Variants in DLG2 observed in about 807,000 individuals in gnomAD.
DLG2 encodes the protein disks large homolog 2.
In DLG2, 45 loss-of-function variants were observed where a neutral mutation model predicts 132.5. The observed-to-expected ratio is 0.34, with a 90% CI of 0.27 to 0.44. DLG2 has a LOEUF of 0.44. Among genes scored for constraint, DLG2 ranks in the 20% least tolerant of loss-of-function variants. DLG2 has a pLI of 1.00. For synonymous variants in DLG2, 424 were observed against 419.6 expected (o/e 1.01, Z -0.13); for missense variants, 1,045 against 1,196.9 (o/e 0.87, Z 1.87).
At chr11:84,661,837 A>T (rs934771862) in intron 6 of DLG2, among the ~76,000 whole-genome samples, 8 of 152,256 alleles carry the variant, frequency 5.3e-5, no homozygotes, top group South Asian at 2.1e-4. Flanking sequence ...GTTCAATATA[A>T]ATGTTTATAT....
intron 15 of DLG2, among the ~76,000 whole-genome samples, chr11:83,922,054 G>A (rs867208650): frequency 6.0e-4 from 92 of 152,202 alleles, no homozygotes; most frequent in African/African-American, 2.1e-3. Flanking sequence ...TTAAAACAGG[G>A]TGAGTTCCTT....
chr11:83,769,067 T>A (rs2094269424), intron 18 of DLG2, among the ~76,000 whole-genome samples: 1 of 152,256 alleles, frequency 6.6e-6, no homozygotes, highest in Non-Finnish European at 1.5e-5. Flanking sequence ...CACTCCATAA[T>A]GATAACAAGT....
At chr11:85,179,346 CAG>C (rs2079538510) in intron 4 of DLG2, among the ~76,000 whole-genome samples, 1 of 151,596 alleles carries the variant, frequency 6.6e-6, no homozygotes, top group African/African-American at 2.4e-5. Context: ...AAAATAAACT[CAG>C]AGGAATATCT....
intron 4 of DLG2, among the ~76,000 whole-genome samples, chr11:85,253,218 A>T (rs2076485962): frequency 6.6e-6 from 1 of 152,240 alleles, no homozygotes; most frequent in Non-Finnish European, 1.5e-5. Context: ...TAAAAATTAA[A>T]TGGACAGGTT....
intron 6 of DLG2, among the ~76,000 whole-genome samples, chr11:84,540,186 C>T (rs527347451): frequency 1.4e-4 from 21 of 152,158 alleles, no homozygotes; most frequent in African/African-American, 4.8e-4. Context: ...CCAAAATTGA[C>T]AAATGGGATC....
At chr11:85,581,454 C>CAA (rs1170598723) in intron 3 of DLG2, among the ~76,000 whole-genome samples, 1 of 137,910 alleles carries the variant, frequency 7.3e-6, no homozygotes. Flanking sequence ...TACTAAAATA[C>CAA]AAAAAAAAAA....
intron 20 of DLG2, among the ~76,000 whole-genome samples, chr11:83,539,068 A>G (rs1210682988): frequency 6.6e-6 from 1 of 152,214 alleles, no homozygotes; most frequent in Non-Finnish European, 1.5e-5. Flanking sequence ...TAAAATAAGG[A>G]TAATAACAGC....
intron 3 of DLG2, among the ~76,000 whole-genome samples, chr11:85,377,801 ATATGTG>A (rs2085530607): frequency 1.0e-5 from 1 of 95,826 alleles, no homozygotes; most frequent in African/African-American, 3.6e-5. Flanking sequence ...ATATATATAT[ATATGTG>A]TGTGTGTGTG....
intron 6 of DLG2, among the ~76,000 whole-genome samples, chr11:84,610,961 C>T (rs749654162): frequency 3.3e-5 from 5 of 151,454 alleles, no homozygotes; most frequent in African/African-American, 7.3e-5. Context: ...ATGCCTCTTA[C>T]TCTAGAAAGT....
chr11:85,382,227 C>T (rs1171082432), intron 3 of DLG2, among the ~76,000 whole-genome samples: 1 of 152,056 alleles, frequency 6.6e-6, no homozygotes, highest in Non-Finnish European at 1.5e-5. Flanking sequence ...CATTTATGGT[C>T]AGCTGATTTT....
chr11:84,688,830 C>T (rs2057676379), intron 6 of DLG2, among the ~76,000 whole-genome samples: 1 of 152,150 alleles, frequency 6.6e-6, no homozygotes, highest in African/African-American at 2.4e-5. Context: ...CTAGGAGTCT[C>T]TCTCACCTCT....
chr11:85,154,569 TC>T lies in DLG2; in HGVS notation c.268del (p.Asp90MetfsTer48). ...TATAACACTTACAGTTGTCGTCTCA[TC>T]AGTTTCATTTTCAAAACTCTGATTT... ...KENQSFENET[D>X]ETTTQNQGRC... On this transcript the variant is annotated frameshift_variant, in exon 5 of 28. Transcript: ENST00000376104. LOFTEE classifies it high-confidence loss of function. 3 of 1,497,560 alleles carry T rather than the reference TC, an allele frequency of 2.0e-6. No homozygotes were observed. The highest frequency in any genetic ancestry group is 2.7e-6 in the Non-Finnish European group (3 of 1,099,404). 92.8% of individuals were successfully genotyped at this position (1,497,560 alleles called of 1,614,324 possible).
At chr11:85,628,323 G>A (rs546516600), upstream of DLG2, among the ~76,000 whole-genome samples, 1 of 149,844 alleles carries the variant, frequency 6.7e-6, no homozygotes, top group Admixed American at 6.6e-5. Flanking sequence ...CTTTCCCGCA[G>A]GACGCGAAGA....
intron 3 of DLG2, among the ~76,000 whole-genome samples, chr11:85,543,565 G>T (rs1238878759): frequency 6.6e-6 from 1 of 152,146 alleles, no homozygotes; most frequent in East Asian, 1.9e-4. Flanking sequence ...TTGCCACACT[G>T]TCTTCCACAA....
intron 10 of DLG2, among the ~76,000 whole-genome samples, chr11:84,091,162 C>A (rs529944715): frequency 2.0e-5 from 3 of 152,262 alleles, no homozygotes; most frequent in Admixed American, 2.0e-4. Context: ...AATATCACGG[C>A]CATAAACACA....
At chr11:84,653,804 C>T (rs1183676283) in intron 6 of DLG2, among the ~76,000 whole-genome samples, 2 of 152,150 alleles carry the variant, frequency 1.3e-5, no homozygotes, top group Non-Finnish European at 2.9e-5. Context: ...TTGGCTCTTT[C>T]ATGCAATAAC....
chr11:83,680,433 C>T (rs1050280860), intron 18 of DLG2, among the ~76,000 whole-genome samples: 1 of 152,148 alleles, frequency 6.6e-6, no homozygotes, highest in African/African-American at 2.4e-5. Context: ...ATGTCATAGG[C>T]TGGCTGGAGC....
At chr11:83,986,404 G>A (rs2093316438) in intron 11 of DLG2, among the ~76,000 whole-genome samples, 3 of 151,438 alleles carry the variant, frequency 2.0e-5, no homozygotes, top group African/African-American at 7.3e-5. Flanking sequence ...ATTTTTTATG[G>A]CTGCATAGTA....
chr11:84,439,197 T>C (rs979385261), intron 7 of DLG2, among the ~76,000 whole-genome samples: 1 of 152,224 alleles, frequency 6.6e-6, no homozygotes, highest in African/African-American at 2.4e-5. Context: ...ACCCTGACTT[T>C]GCTTCTAATT....
Sources: allele counts gnomAD v4.1 joint callset (sites outside exome capture counted in the v4.1 genomes callset), GRCh38; gene constraint gnomAD v4.1.1; transcripts MANE v1.5; gene names NCBI Gene and HGNC (gene_info 2026-07-23, HGNC 2026-07-21).